The following SORCS1 variants were observed in gnomAD, a reference collection of about 807,000 sequenced individuals.
SORCS1 encodes sortilin related VPS10 domain containing receptor 1, also known as VPS10 domain-containing receptor SorCS1.
In SORCS1, 60 loss-of-function variants were observed where a neutral mutation model predicts 146.1. The observed-to-expected ratio is 0.41, with a 90% CI of 0.33 to 0.51. The LOEUF (loss-of-function observed/expected upper bound fraction) is 0.51. Ranked by LOEUF, SORCS1 falls within the 20% of genes least tolerant of loss-of-function variation. The pLI, the probability that SORCS1 is intolerant of heterozygous loss-of-function variation, is 0.21. For missense variants in SORCS1, 1,352 were observed against 1,487.6 expected, an observed-to-expected ratio of 0.91 and a Z score of 1.50; for synonymous variants, 637 against 584.0, an observed-to-expected ratio of 1.09 and a Z score of -1.31.
chr10:107,118,653 A>T (rs1372092691), intron 1 of SORCS1, among the ~76,000 whole-genome samples: 1 of 152,216 alleles, frequency 6.6e-6, no homozygotes, highest in African/African-American at 2.4e-5. Flanking sequence ...TATCTAGGTA[A>T]ATAATATCTA....
intron 1 of SORCS1, among the ~76,000 whole-genome samples, chr10:107,048,128 C>T (rs767849797): frequency 1.3e-5 from 2 of 151,890 alleles, no homozygotes; most frequent in Non-Finnish European, 2.9e-5. Context: ...CTGGATGGGG[C>T]CTTTCCTTCT....
At chr10:106,578,660 G>C in intron 25 of SORCS1, 1 of 1,001,214 alleles carries the variant, frequency 1.0e-6, no homozygotes, top group Non-Finnish European at 1.2e-6. Flanking sequence ...CCCTCCTTAA[G>C]AGCTGTATCC....
intron 1 of SORCS1, among the ~76,000 whole-genome samples, chr10:107,125,900 T>C (rs1006554126): frequency 1.3e-5 from 2 of 152,144 alleles, no homozygotes; most frequent in African/African-American, 4.8e-5. Flanking sequence ...ATGCTTCAGG[T>C]CCCAGAAGAA....
chr10:106,715,135 G>T (rs759899706), intron 6 of SORCS1, among the ~76,000 whole-genome samples: 9 of 152,144 alleles, frequency 5.9e-5, no homozygotes, highest in Non-Finnish European at 1.0e-4. Flanking sequence ...CCCCCTTGGG[G>T]CTTGCTGTAA....
chr10:106,883,203 T>A (rs1950870948), intron 2 of SORCS1, among the ~76,000 whole-genome samples: 1 of 152,192 alleles, frequency 6.6e-6, no homozygotes, highest in Non-Finnish European at 1.5e-5. Flanking sequence ...GATACACGTA[T>A]GACCAACATA....
Position 106,776,579 on chromosome 10 carries a change from G to A in SORCS1, c.840C>T (p.His280=). The A allele has an allele frequency of 6.2e-7, 1 of 1,614,004 alleles. No homozygotes were observed. The highest frequency in any genetic ancestry group is 2.2e-5 in the East Asian group (1 of 44,866). The stretch of plus-strand genomic sequence containing the variant: ...CCAGAATCCAGTCTTCTTGTTTGGG[G>A]TGAAAAAGCAAGCTTTGAATGTAGA... ...LNFYIQSLLF[H]PKQEDWILAY... The change falls in exon 4 of 26, where the codon CAC becomes CAT. Residue 280 remains histidine, a synonymous_variant. Coordinates refer to ENST00000263054, the MANE Select transcript of SORCS1 (RefSeq NM_052918.5).
chr10:107,054,698 C>A (rs927349231), intron 1 of SORCS1, among the ~76,000 whole-genome samples: 1 of 152,180 alleles, frequency 6.6e-6, no homozygotes, highest in African/African-American at 2.4e-5. Flanking sequence ...CTGGGACATT[C>A]ATTAATTAAT....
At chr10:106,913,880 C>T (rs1199800391) in intron 2 of SORCS1, among the ~76,000 whole-genome samples, 1 of 151,986 alleles carries the variant, frequency 6.6e-6, no homozygotes, top group Non-Finnish European at 1.5e-5. Context: ...TTTTAGGAGG[C>T]AAAAGTGAAA....
At chr10:107,065,415 T>TTTTCTTTCTTTCTTCCTTTCTTTCTTTC (rs1961665180) in intron 1 of SORCS1, among the ~76,000 whole-genome samples, 1 of 120,396 alleles carries the variant, frequency 8.3e-6, no homozygotes, top group African/African-American at 4.5e-5. Context: ...TCTCTCTTTC[T>TTTTCTTTCTTTCTTCCTTTCTTTCTTTC]TTTCTTTCTT....
intron 1 of SORCS1, among the ~76,000 whole-genome samples, chr10:106,976,457 G>A (rs1237248231): frequency 6.7e-6 from 1 of 149,672 alleles, no homozygotes; most frequent in Non-Finnish European, 1.5e-5. Flanking sequence ...TTAGCCTCCC[G>A]AGTAGCTGGG....
At chr10:107,161,784 T>C (rs1429759950) in intron 1 of SORCS1, among the ~76,000 whole-genome samples, 1 of 152,228 alleles carries the variant, frequency 6.6e-6, no homozygotes, top group Non-Finnish European at 1.5e-5. Context: ...TGGCTTTGTT[T>C]TGGAGGACAT....
At chr10:106,625,809 A>AC (rs2133549617) in intron 19 of SORCS1, among the ~76,000 whole-genome samples, 1 of 147,574 alleles carries the variant, frequency 6.8e-6, no homozygotes, top group Admixed American at 6.8e-5. Flanking sequence ...GTCTTCAGTG[A>AC]TTTTTTTTTT....
chr10:106,603,284 G>A (rs1478937736), intron 23 of SORCS1, among the ~76,000 whole-genome samples: 2 of 152,172 alleles, frequency 1.3e-5, no homozygotes, highest in African/African-American at 2.4e-5. Context: ...ACAGCAGCAC[G>A]CGCTCCCCTT....
At chr10:106,774,775 A>C (rs1046657275) in intron 4 of SORCS1, among the ~76,000 whole-genome samples, 3 of 152,136 alleles carry the variant, frequency 2.0e-5, no homozygotes, top group African/African-American at 4.8e-5. Flanking sequence ...CTATTGGTCA[A>C]CTCATATGTG....
chr10:106,957,165 G>GTTTTTTTTTTTTTTTTTTTTTT (rs374081494), intron 1 of SORCS1, among the ~76,000 whole-genome samples: 2 of 138,038 alleles, frequency 1.4e-5, no homozygotes. Flanking sequence ...GTTTTTTTTT[G>GTTTTTTTTTTTTTTTTTTTTTT]TTTTTTTTGT....
chr10:107,040,770 A>G (rs1364827419), intron 1 of SORCS1, among the ~76,000 whole-genome samples: 1 of 152,188 alleles, frequency 6.6e-6, no homozygotes, highest in Non-Finnish European at 1.5e-5. Flanking sequence ...ATTTGGTAGC[A>G]GCAGCAGCAT....
chr10:107,076,533 T>C (rs1285155431), intron 1 of SORCS1, among the ~76,000 whole-genome samples: 3 of 152,206 alleles, frequency 2.0e-5, no homozygotes, highest in Non-Finnish European at 4.4e-5. Context: ...CAAATTTTAA[T>C]TAATTCATCC....
At chr10:106,996,259 GA>G (rs1956997162) in intron 1 of SORCS1, among the ~76,000 whole-genome samples, 1 of 5,742 alleles carries the variant, frequency 1.7e-4, no homozygotes. Context: ...ATAGAATGTA[GA>G]AATGAAATGT....
At chr10:107,110,699 T>C (rs140729707) in intron 1 of SORCS1, among the ~76,000 whole-genome samples, 1 of 146,888 alleles carries the variant, frequency 6.8e-6, no homozygotes. Flanking sequence ...ATCCAAACTA[T>C]ATCATTGTGA....
Sources: gnomAD v4.1 joint callset for allele counts (sites outside exome capture counted in the v4.1 genomes callset) on GRCh38, gnomAD v4.1.1 for gene constraint, MANE v1.5 for transcripts, NCBI Gene and HGNC (gene_info 2026-07-23, HGNC 2026-07-21) for gene names.